MYBBP1A: variants seen among roughly 807,000 people sequenced by gnomAD.
MYBBP1A encodes the protein myb-binding protein 1A.
A neutral mutation model predicts 136.3 loss-of-function variants in MYBBP1A; 147 were observed. The ratio of observed to expected loss-of-function variants is 1.08; its 90% CI spans 0.94 to 1.24. The LOEUF is 1.24. Among genes scored for constraint, MYBBP1A ranks in the 50% most tolerant of loss-of-function variants. The probability of loss-of-function intolerance (pLI) is 0.00; values close to 1 mark genes in which losing one functional copy is unlikely to be tolerated. For missense variants in MYBBP1A, 2,060 were observed against 1,727.4 expected (o/e 1.19, Z -3.41); for synonymous variants, 947 against 735.8 (o/e 1.29, Z -4.65).
chr17:4,546,911 CCTTT>C (rs1567609388), intron 13 of MYBBP1A, among the ~76,000 whole-genome samples: 1 of 148,410 alleles, frequency 6.7e-6, no homozygotes, highest in African/African-American at 2.6e-5. Flanking sequence ...CTGGGCTGCA[CCTTT>C]TTTTTTTTTT....
intron 9 of MYBBP1A, among the ~76,000 whole-genome samples, chr17:4,549,676 C>T (rs1907330365): frequency 6.7e-6 from 1 of 149,550 alleles, no homozygotes. Flanking sequence ...ACTGGAGAGG[C>T]TGAGGCAGAG....
chr17:4,546,800 C>T (rs1907055859), intron 13 of MYBBP1A, among the ~76,000 whole-genome samples: 1 of 152,160 alleles, frequency 6.6e-6, no homozygotes. Context: ...ATGCAGTCGG[C>T]AGCTTGAACG....
chr17:4,551,791 G>GC, intron 8 of MYBBP1A, 89 bp downstream of exon 8: 1 of 1,155,066 alleles, frequency 8.7e-7, no homozygotes, highest in South Asian at 1.3e-5. Context: ...CTCTAGCCAA[G>GC]CCCCCGAGGT....
In MYBBP1A at chr17:4,554,282, C is replaced by T. The variant is rs1907823229; in HGVS notation, c.295-4G>A. The T allele has an allele frequency of 6.2e-7, 1 of 1,613,752 alleles. No homozygotes were observed. Among genetic ancestry groups the T allele is most frequent in the Non-Finnish European group, 8.5e-7 (1 of 1,179,802 alleles). ...GGTCTTCAAAAGACTGTAACAGCTG[C>T]CAGGAGTTGTGTGGCAGGAGGAAGA... On this transcript the variant is annotated splice_region_variant and splice_polypyrimidine_tract_variant and intron_variant, in intron 2 of 25. Coordinates refer to ENST00000254718, the MANE Select transcript of MYBBP1A (RefSeq NM_014520.4).
intron 8 of MYBBP1A, 80 bp from the exon 9 acceptor site, chr17:4,550,433 C>G: frequency 6.7e-7 from 1 of 1,499,128 alleles, no homozygotes. Context: ...AGGGGGCAGG[C>G]GGGCAACAGC....
In MYBBP1A at chr17:4,555,365, G is replaced by A. The variant is rs754357702; in HGVS notation, c.-41C>T. 22 of 1,557,568 alleles carry A rather than the reference G, an allele frequency of 1.4e-5. No individual in the cohort carries two copies. The highest frequency in any genetic ancestry group is 1.8e-5 in the Non-Finnish European group (21 of 1,150,594). Reference sequence around the variant, plus strand: ...CGAAACACGAAACACGTGTGCTCCGGCCCCAGCCGCTTCCAGGTCAGGGCA... The same window carrying A: ...CGAAACACGAAACACGTGTGCTCCGACCCCAGCCGCTTCCAGGTCAGGGCA... On this transcript the variant is annotated 5_prime_UTR_variant, in exon 1 of 26. Transcript: ENST00000254718.
chr17:4,552,705 C>G lies in MYBBP1A; in HGVS notation c.562-79G>C. ...GATCCTGTTCTACCTGCTCCTGACA[C>G]GGGGCCACCTGGTGAGGTATCAGAG... On this transcript the variant is annotated intron_variant, in intron 5 of 25. Coordinates refer to ENST00000254718, the MANE Select transcript of MYBBP1A (RefSeq NM_014520.4). The surrounding 1 kb of genome is among the most constrained non-coding windows in gnomAD (Gnocchi z 4.7). The G allele has an allele frequency of 7.4e-7, 1 of 1,354,442 alleles. No homozygotes were observed. The highest frequency in any genetic ancestry group is 1.0e-6 in the Non-Finnish European group (1 of 981,946). 83.9% of individuals were successfully genotyped at this position (1,354,442 alleles called of 1,614,324 possible).
rs1481542293 is a variant in MYBBP1A at position 4,551,378 on chromosome 17, G to C, written c.1023+502C>G. ...GCCCGCTGGCTATCCATGCCCACAAGGGGGCCTGCTGGCAGAAGGGCCTGA... is the reference window on the plus strand; with the variant it reads ...GCCCGCTGGCTATCCATGCCCACAACGGGGCCTGCTGGCAGAAGGGCCTGA... On this transcript the variant is annotated intron_variant, in intron 8 of 25. Coordinates refer to ENST00000254718, the MANE Select transcript of MYBBP1A (RefSeq NM_014520.4). 2.0e-5 allele frequency among the ~76,000 whole-genome samples: 3 copies of C among 152,352 alleles called. 1 individual carries two copies. The highest frequency in any genetic ancestry group is 2.1e-4 in the South Asian group (1 of 4,826).
Position 4,542,490 on chromosome 17 carries a change from T to C in MYBBP1A, c.3061A>G (p.Thr1021Ala). 2 of 1,611,570 alleles carry C rather than the reference T, an allele frequency of 1.2e-6. No homozygotes were observed. Among genetic ancestry groups the C allele is most frequent in the Middle Eastern group, 1.7e-4 (1 of 5,892 alleles). Reference sequence around the variant, plus strand: ...TGATGACGGGGCCGCACCGGGCCCGTGATATGCTGGACCAGGATGGGGAGC... The same window carrying C: ...TGATGACGGGGCCGCACCGGGCCCGCGATATGCTGGACCAGGATGGGGAGC... ...SLLPILVQHI[T>A]GPVRPRHQAC... Residue 1021 changes from threonine to alanine, a missense_variant, in exon 22 of 26, where the codon ACG becomes GCG. Coordinates refer to ENST00000254718, the MANE Select transcript of MYBBP1A (RefSeq NM_014520.4).
chr17:4,553,403 G>A (rs1274123594), intron 5 of MYBBP1A, among the ~76,000 whole-genome samples: 1 of 152,216 alleles, frequency 6.6e-6, no homozygotes, highest in East Asian at 1.9e-4. Context: ...TACTTGCCAC[G>A]TGCCAGGCAC....
At position 4,552,060 on chromosome 17, in the gene MYBBP1A, A is replaced by G; in HGVS notation, c.906-63T>C. On this transcript the variant is annotated intron_variant, in intron 7 of 25. Transcript: ENST00000254718. The surrounding 1 kb of genome is among the most constrained non-coding windows in gnomAD (Gnocchi z 4.7). ...TGGTGCCCCTGGTGGGAACCTCAGGACTAGTGGCCTAGCCCACTTCACGGA... is the reference window on the plus strand; with the variant it reads ...TGGTGCCCCTGGTGGGAACCTCAGGGCTAGTGGCCTAGCCCACTTCACGGA... The G allele has an allele frequency of 6.3e-7, 1 of 1,596,342 alleles. No individual in the cohort carries two copies. Among genetic ancestry groups the G allele is most frequent in the Non-Finnish European group, 8.6e-7 (1 of 1,169,108 alleles).
At chr17:4,542,247 C>T (rs1287326331) in intron 22 of MYBBP1A, 2 of 607,058 alleles carry the variant, frequency 3.3e-6, no homozygotes, top group South Asian at 4.3e-5. Flanking sequence ...GAGGCTGGCC[C>T]TGCCCCCTCA....
At position 4,548,121 on chromosome 17, in the gene MYBBP1A, C is replaced by G. The variant is rs752733391; in HGVS notation, c.1724+22G>C. 1.2e-5 allele frequency: 20 copies of G among 1,604,152 alleles called. No homozygotes were observed. The highest frequency in any genetic ancestry group is 1.5e-5 in the Non-Finnish European group (18 of 1,179,616). Reference sequence around the variant, plus strand: ...TCAGACTGCAGCGTCCTGCCCACCCCCTGGAAATCCCACGTGCTCACCGGT... The same window carrying G: ...TCAGACTGCAGCGTCCTGCCCACCCGCTGGAAATCCCACGTGCTCACCGGT... On this transcript the variant is annotated intron_variant, in intron 12 of 25. Transcript: ENST00000254718. The surrounding 1 kb of genome is among the most constrained non-coding windows in gnomAD (Gnocchi z 4.2).
intron 22 of MYBBP1A, 86 bp downstream of exon 22, chr17:4,542,378 T>G: frequency 6.9e-7 from 1 of 1,442,536 alleles, no homozygotes; most frequent in African/African-American, 1.4e-5. Flanking sequence ...AGGACAGCGC[T>G]CTGGGGCCTC....
chr17:4,550,180 G>C lies in MYBBP1A; in HGVS notation c.1197C>G (p.Ser399Arg). The C allele has an allele frequency of 1.2e-6, 2 of 1,613,968 alleles. No individual in the cohort carries two copies. ...PTFWRVVRFL[S>R]PPALQGYVAW... is the part of the protein sequence containing the mutation. ...CCACATAGCCCTGCAGGGCCGGAGG[G>C]CTCAGGAACCGCACGACCCGCCAGA... Residue 399 changes from serine (S) to arginine (R), a missense_variant, in exon 9 of 26, where the codon AGC becomes AGG. Coordinates refer to ENST00000254718, the MANE Select transcript of MYBBP1A (RefSeq NM_014520.4).
chr17:4,555,033 C>T (rs1907904325), intron 1 of MYBBP1A, 77 bp from the exon 2 acceptor site: 1 of 1,590,852 alleles, frequency 6.3e-7, no homozygotes, highest in African/African-American at 1.3e-5. Flanking sequence ...CATCCAGGTT[C>T]GCGACCACGT....
At position 4,550,324 on chromosome 17, in the gene MYBBP1A, C is replaced by G; in HGVS notation, c.1053G>C (p.Glu351Asp). 6.2e-7 allele frequency: 1 copy of G among 1,612,866 alleles called. No individual in the cohort carries two copies. The highest frequency in any genetic ancestry group is 8.5e-7 in the Non-Finnish European group (1 of 1,179,790). Residue 351 changes from glutamate to aspartate, a missense_variant, in exon 9 of 26, where the codon GAG becomes GAC. Physicochemically the swap from Glu to Asp is conservative, Grantham distance 45. Transcript: ENST00000254718. ...KLPKQFKFAP[E>D]MDDYVGTFLE... ...GGAAGGTGCCCACGTAATCGTCCAT[C>G]TCTGGGGCAAACTTGAACTGCTTTG...
chr17:4,546,443 A>G (rs941833521), intron 13 of MYBBP1A, among the ~76,000 whole-genome samples: 1 of 151,722 alleles, frequency 6.6e-6, no homozygotes, highest in South Asian at 2.1e-4. Flanking sequence ...GCTTTTTCAC[A>G]CCTAATACGC....
rs746082107 is a variant in MYBBP1A at position 4,548,494 on chromosome 17, C to T, written c.1556+30G>A. On this transcript the variant is annotated intron_variant, in intron 11 of 25. Transcript: ENST00000254718. This position sits in a 1 kb window ranked among gnomAD's most constrained non-coding sequence, Gnocchi z 4.2. ...GGCGCCCTCAAGGCCTTCCCACCTT[C>T]GGACCTCTCCTGGGCTGCCCAAGAC... 1.5e-5 allele frequency: 24 copies of T among 1,613,328 alleles called. No homozygotes were observed. The highest frequency in any genetic ancestry group is 3.3e-5 in the Admixed American group (2 of 60,010).
Sources: gnomAD v4.1 joint callset for allele counts (sites outside exome capture counted in the v4.1 genomes callset) on GRCh38, gnomAD v4.1.1 for gene constraint, Gnocchi (gnomAD v3.1) non-coding constraint, MANE v1.5 for transcripts, NCBI Gene and HGNC (gene_info 2026-07-23, HGNC 2026-07-21) for gene names.